Variants in MEF2C observed in about 807,000 individuals in gnomAD.
The protein encoded by MEF2C is myocyte-specific enhancer factor 2C.
A neutral mutation model predicts 50.5 loss-of-function variants in MEF2C; 6 were observed. The observed-to-expected ratio is 0.12, with a 90% CI of 0.07 to 0.23. The LOEUF is 0.23. Among genes scored for constraint, MEF2C ranks in the 10% least tolerant of loss-of-function variants. The probability of loss-of-function intolerance (pLI) is 1.00; values close to 1 mark genes in which losing one functional copy is unlikely to be tolerated. For missense variants in MEF2C, 276 were observed against 605.0 expected, an observed-to-expected ratio of 0.46 and a Z score of 5.70; for synonymous variants, 183 against 228.0, an observed-to-expected ratio of 0.80 and a Z score of 1.78.
intron 6 of MEF2C, chr5:88,735,357 T>C (rs1581466671): frequency 1.0e-6 from 1 of 985,404 alleles, no homozygotes; most frequent in Non-Finnish European, 1.2e-6. Flanking sequence ...TTTCATGCTA[T>C]GTTTTAAAAT....
Position 88,735,943 on chromosome 5 carries a change from AG to A in MEF2C, c.638-4043del, listed in dbSNP as rs1403808924. The stretch of plus-strand genomic sequence containing the variant: ...CTTCACTTGTTTCTTTTTCTTTTCT[AG>A]GACTTTGAATTATGAATACAAGCAT... On this transcript the variant is annotated intron_variant, in intron 6 of 10. Transcript: ENST00000504921. The A allele has an allele frequency of 1.2e-5, 12 of 985,222 alleles. No individual in the cohort carries two copies. In the East Asian group the frequency reaches 9.1e-4, roughly 75 times the overall value. The allele number at this position is 985,222 out of a possible 1,614,324, so 61.0% of individuals were successfully genotyped here. A position where few individuals can be genotyped will look rare whatever the true frequency, so the allele number is the denominator to read the frequency against.
intron 1 of MEF2C, among the ~76,000 whole-genome samples, chr5:88,902,593 G>T (rs1239505724): frequency 1.3e-5 from 2 of 150,782 alleles, no homozygotes; most frequent in Non-Finnish European, 3.0e-5. Context: ...TATCCATGTC[G>T]TCACTGATTT....
intron 1 of MEF2C, among the ~76,000 whole-genome samples, chr5:88,829,497 T>C (rs1220688870): frequency 1.3e-5 from 2 of 152,070 alleles, no homozygotes; most frequent in Non-Finnish European, 2.9e-5. Context: ...GTCAAACATA[T>C]AGAAAGAGCT....
intron 6 of MEF2C, chr5:88,746,653 G>T (rs1250529690): frequency 2.0e-6 from 2 of 985,180 alleles, no homozygotes; most frequent in African/African-American, 3.5e-5. Flanking sequence ...CAACATTCTG[G>T]CTGGCCTTGT....
chr5:88,787,530 C>G (rs1791556174), intron 3 of MEF2C, among the ~76,000 whole-genome samples: 1 of 152,152 alleles, frequency 6.6e-6, no homozygotes, highest in Non-Finnish European at 1.5e-5. Flanking sequence ...GTAACTGGAA[C>G]TGAATTTTTA....
rs1756613960 is a variant in MEF2C, at chr5:88,722,334, G to A, written c.*270C>T. On this transcript the variant is annotated 3_prime_UTR_variant, in exon 11 of 11. Coordinates refer to ENST00000504921, the MANE Select transcript of MEF2C (RefSeq NM_002397.5). ...ATTGTAACATACATTTTGCAAAGGAGCACAACAGTGAAAAGAAGTTAGCCT... is the reference window on the plus strand; with the variant it reads ...ATTGTAACATACATTTTGCAAAGGAACACAACAGTGAAAAGAAGTTAGCCT... 1 of 381,886 alleles carries A rather than the reference G, an allele frequency of 2.6e-6. No homozygotes were observed. The highest frequency in any genetic ancestry group is 4.7e-6 in the Non-Finnish European group (1 of 211,622). The allele number at this position is 381,886 out of a possible 1,614,324, so 23.7% of individuals were successfully genotyped here. A position where few individuals can be genotyped will look rare whatever the true frequency, so the allele number is the denominator to read the frequency against.
intron 1 of MEF2C, among the ~76,000 whole-genome samples, chr5:88,891,760 G>GAATACATCAT (rs1226751617): frequency 6.6e-6 from 1 of 152,070 alleles, no homozygotes; most frequent in Non-Finnish European, 1.5e-5. Flanking sequence ...TAAGGCAACA[G>GAATACATCAT]AATACATCAT....
intron 10 of MEF2C, among the ~76,000 whole-genome samples, chr5:88,724,393 A>C (rs1757691254): frequency 6.6e-6 from 1 of 152,192 alleles, no homozygotes; most frequent in Non-Finnish European, 1.5e-5. Flanking sequence ...TGTTTTGTAC[A>C]AAAGCACCAC....
chr5:88,801,096 G>T (rs1798130821), intron 3 of MEF2C, among the ~76,000 whole-genome samples: 1 of 152,086 alleles, frequency 6.6e-6, no homozygotes, highest in African/African-American at 2.4e-5. Flanking sequence ...CACTACTCTG[G>T]TATGGCCCAG....
intron 2 of MEF2C, among the ~76,000 whole-genome samples, chr5:88,818,840 T>C (rs1806865564): frequency 6.6e-6 from 1 of 151,970 alleles, no homozygotes; most frequent in Non-Finnish European, 1.5e-5. Flanking sequence ...TAACATTCTT[T>C]ATTGTGCTAC....
At chr5:88,882,401 C>T (rs181966869) in intron 1 of MEF2C, among the ~76,000 whole-genome samples, 8 of 152,324 alleles carry the variant, frequency 5.3e-5, no homozygotes, top group African/African-American at 1.4e-4. Flanking sequence ...AGCCCTCTGT[C>T]AAGCCGGCAC....
At chr5:88,876,065 T>G (rs979124281) in intron 1 of MEF2C, among the ~76,000 whole-genome samples, 3 of 29,282 alleles carry the variant, frequency 1.0e-4, no homozygotes, top group Non-Finnish European at 1.7e-4. Context: ...TAACTGGAGT[T>G]TTTTTTTTTT....
chr5:88,871,500 G>A (rs777348599), intron 1 of MEF2C, among the ~76,000 whole-genome samples: 2 of 152,004 alleles, frequency 1.3e-5, no homozygotes, highest in Non-Finnish European at 2.9e-5. Context: ...AACAGAGTTA[G>A]AAAAGAAAGC....
At chr5:88,832,525 A>G (rs1202951744) in intron 1 of MEF2C, among the ~76,000 whole-genome samples, 2 of 152,104 alleles carry the variant, frequency 1.3e-5, no homozygotes, top group East Asian at 3.9e-4. Context: ...AGGTAGCCTC[A>G]GGATTTAGAG....
At chr5:88,827,054 T>C (rs545009274) in intron 1 of MEF2C, 142 of 152,010 alleles carry the variant, frequency 9.3e-4, no homozygotes, top group African/African-American at 3.3e-3. Context: ...GGAACTTCAT[T>C]ATGGCAGGCT....
intron 3 of MEF2C, among the ~76,000 whole-genome samples, chr5:88,803,225 T>C (rs569435130): frequency 9.1e-4 from 138 of 152,318 alleles, no homozygotes; most frequent in African/African-American, 3.2e-3. Flanking sequence ...AAATAATGCA[T>C]AGTATTTTAA....
chr5:88,784,196 G>T (rs958373299), intron 3 of MEF2C, among the ~76,000 whole-genome samples: 8 of 152,116 alleles, frequency 5.3e-5, no homozygotes, highest in African/African-American at 1.9e-4. Context: ...AAGCCAAGCT[G>T]CTTGCATTAT....
chr5:88,841,845 C>T (rs1259050019), intron 1 of MEF2C, among the ~76,000 whole-genome samples: 1 of 152,190 alleles, frequency 6.6e-6, no homozygotes, highest in Non-Finnish European at 1.5e-5. Context: ...GTGGAACGTA[C>T]ACACTCCTGA....
At chr5:88,742,945 A>C (rs1188667449) in intron 6 of MEF2C, 13 of 973,348 alleles carry the variant, frequency 1.3e-5, no homozygotes, top group Non-Finnish European at 1.6e-5. Context: ...TATCATTGTT[A>C]CTTAATTTCA....
Sources: allele counts gnomAD v4.1 joint callset (sites outside exome capture counted in the v4.1 genomes callset), GRCh38; gene constraint gnomAD v4.1.1; transcripts MANE v1.5; gene names NCBI Gene and HGNC (gene_info 2026-07-23, HGNC 2026-07-21).